The following DDX3X variants were observed in gnomAD, a reference collection of about 807,000 sequenced individuals.
The protein encoded by DDX3X is ATP-dependent RNA helicase DDX3X.
A neutral mutation model predicts 52.7 loss-of-function variants in DDX3X; 4 were observed. The observed-to-expected ratio is 0.08, with a 90% CI of 0.04 to 0.17. DDX3X has a LOEUF of 0.17. Ranked by LOEUF, DDX3X falls within the 10% of genes least tolerant of loss-of-function variation. The pLI is 1.00. For missense variants in DDX3X, 222 were observed against 548.6 expected, an observed-to-expected ratio of 0.40 and a Z score of 5.95; for synonymous variants, 192 against 178.1, an observed-to-expected ratio of 1.08 and a Z score of -0.62.
At chrX:41,334,624 G>A in intron 1 of DDX3X, 3 of 1,082,109 alleles carry the variant, frequency 2.8e-6, no homozygotes, top group African/African-American at 1.8e-5. Flanking sequence ...AGTGACCTGG[G>A]GGGGTTTGCG....
At chrX:41,351,964 G>A (rs191706018), downstream of DDX3X, among the ~76,000 whole-genome samples, 79 of 111,642 alleles carry the variant, frequency 7.1e-4, no homozygotes, top group Non-Finnish European at 1.3e-3. Context: ...GCAGGAAATA[G>A]GTGTCTCAAA....
At chrX:41,340,917 A>G in intron 3 of DDX3X, 1 of 290,841 alleles carries the variant, frequency 3.4e-6, no homozygotes, top group Non-Finnish European at 6.0e-6. Flanking sequence ...AAAGCTGTTG[A>G]CCACTTAGAG....
At chrX:41,343,057 G>A (rs1156722159) in intron 6 of DDX3X, 159 bp from the exon 7 acceptor site, 4 of 656,531 alleles carry the variant, frequency 6.1e-6, no homozygotes, top group Non-Finnish European at 9.1e-6. Context: ...CCAATGTGCA[G>A]TAAGCCTGGG....
At chrX:41,343,055 C>A in intron 6 of DDX3X, 161 bp from the exon 7 acceptor site, 1 of 636,060 alleles carries the variant, frequency 1.6e-6, no homozygotes. Context: ...CTCCAATGTG[C>A]AGTAAGCCTG....
downstream of DDX3X, among the ~76,000 whole-genome samples, chrX:41,352,736 C>T (rs770997102): frequency 6.3e-5 from 7 of 111,692 alleles, no homozygotes; most frequent in Admixed American, 9.6e-5. Flanking sequence ...GGATCCTCCA[C>T]CTCTGAGGTT....
chrX:41,340,923 TAGAG>T (rs2063840634), intron 3 of DDX3X: 1 of 288,283 alleles, frequency 3.5e-6, no homozygotes, highest in Non-Finnish European at 6.1e-6. Flanking sequence ...GTTGACCACT[TAGAG>T]GTAGTATTCA....
intron 7 of DDX3X, 56 bp from the exon 8 acceptor site, chrX:41,343,681 C>T: frequency 9.7e-7 from 1 of 1,031,887 alleles, no homozygotes; most frequent in Non-Finnish European, 1.4e-6. Flanking sequence ...ACACTGTCAT[C>T]TACCAATGTC....
chrX:41,341,469 C>A lies in DDX3X; in HGVS notation c.152-15C>A, dbSNP rs1408775407. 1.7e-6 allele frequency: 2 copies of A among 1,177,505 alleles called. No individual in the cohort carries two copies. The highest frequency in any genetic ancestry group is 1.1e-6 in the Non-Finnish European group (1 of 870,986). On this transcript the variant is annotated splice_polypyrimidine_tract_variant and intron_variant, in intron 3 of 16. Transcript: ENST00000644876. Reference sequence around the variant, plus strand: ...TAATTAATAATAAAATGTATTTGTGCTTTTTTAATCAAAGGTTTCTACGAT... The same window carrying A: ...TAATTAATAATAAAATGTATTTGTGATTTTTTAATCAAAGGTTTCTACGAT...
chrX:41,335,054 TGGGGAGGAGTG>T (rs1482413734), intron 1 of DDX3X: 9 of 4,727 alleles, frequency 1.9e-3, no homozygotes, highest in Admixed American at 0.013. Context: ...CGCAGAAGAT[TGGGGAGGAGTG>T]GGGGAGGGGT....
chrX:41,345,063 T>C, intron 10 of DDX3X, 117 bp from the exon 11 acceptor site: 1 of 724,511 alleles, frequency 1.4e-6, no homozygotes, highest in Non-Finnish European at 2.0e-6. Flanking sequence ...TTAATGAATA[T>C]ATAATTGTAA....
At position 41,362,455 on chromosome X, in the gene DDX3X, C is replaced by G. The variant is rs6610553; in HGVS notation, c.655-1819C>G. 9.4e-3 allele frequency among the ~76,000 whole-genome samples: 1,049 copies of G among 111,286 alleles called. 14 individuals are homozygous for G. The highest frequency in any genetic ancestry group is 0.032 in the African/African-American group (980 of 30,660). On this transcript the variant is annotated intron_variant, in intron 5 of 5. Coordinates refer to the DDX3X transcript ENST00000616050. ...GCCTCCTTACCTGGTCTCCCTGTCT[C>G]CATCATGACTTACTATACAAGACTC...
At chrX:41,351,189 C>CT (rs931350729), downstream of DDX3X, 8 of 111,584 alleles carry the variant, frequency 7.2e-5, no homozygotes, top group African/African-American at 1.3e-4. Flanking sequence ...TCAGTTTCCA[C>CT]TTTATGTGAA....
At chrX:41,356,484 G>A (rs1469605091) in intron 5 of DDX3X, among the ~76,000 whole-genome samples, 1 of 88,494 alleles carries the variant, frequency 1.1e-5, no homozygotes, top group African/African-American at 4.4e-5. Context: ...TTTTGAGACG[G>A]AGTCTCACTC....
At position 41,336,193 on chromosome X, in the gene DDX3X, G is replaced by A. The variant is rs143380749; in HGVS notation, c.46-1215G>A. On this transcript the variant is annotated intron_variant, in intron 1 of 16. Transcript: ENST00000644876. ...TGCATCTTTTGCAAACAGGTTGGCA[G>A]CGGTACTGTGTGACTTGGTCTTTTG... 4.5e-3 allele frequency: 503 copies of A among 112,350 alleles called. 5 individuals are homozygous for A. The highest frequency in any genetic ancestry group is 0.015 in the African/African-American group (471 of 30,960). The allele number at this position is 112,350 out of a possible 1,213,427, so 9.3% of individuals were successfully genotyped here. A position where few individuals can be genotyped will look rare whatever the true frequency, so the allele number is the denominator to read the frequency against.
At chrX:41,338,498 C>G (rs962380706) in intron 2 of DDX3X, 3 of 111,715 alleles carry the variant, frequency 2.7e-5, no homozygotes, top group Non-Finnish European at 5.6e-5. Context: ...TACTCCTGCT[C>G]GCATACAGAG....
chrX:41,341,221 G>A lies in DDX3X; in HGVS notation c.152-263G>A, dbSNP rs770753978. On this transcript the variant is annotated intron_variant, in intron 3 of 16. Transcript: ENST00000644876. ...GCTAGTCTCGAACTCCTGACCTCAGGTGACCTGCCCGCCTTGGCCTCCCAA... is the reference window on the plus strand; with the variant it reads ...GCTAGTCTCGAACTCCTGACCTCAGATGACCTGCCCGCCTTGGCCTCCCAA... 409 of 252,777 alleles carry A rather than the reference G, an allele frequency of 1.6e-3. 2 individuals carry two copies. The highest frequency in any genetic ancestry group is 0.011 in the African/African-American group (377 of 35,473). 20.8% of individuals were successfully genotyped at this position (252,777 alleles called of 1,213,427 possible).
At position 41,346,284 on chromosome X, in the gene DDX3X, G is replaced by A. The variant is rs1477039823; in HGVS notation, c.1371G>A (p.Leu457=). ...AGACCAAAAAGGGTGCAGATTCTCT[G>A]GAGGATTTCTTATACCATGAAGGAT... is the stretch of plus-strand genomic sequence containing the variant. The part of the protein sequence containing the change: ...FVETKKGADS[L]EDFLYHEGYA... The change falls in exon 13 of 17, where the codon CTG becomes CTA. Residue 457 remains leucine (L), a synonymous_variant. Transcript: ENST00000644876. The A allele has an allele frequency of 8.3e-7, 1 of 1,210,807 alleles. No individual in the cohort carries two copies. The highest frequency in any genetic ancestry group is 2.3e-4 in the Middle Eastern group (1 of 4,331).
Position 41,347,743 on chromosome X carries a change from T to A in DDX3X, c.*24T>A. Reference sequence around the variant, plus strand: ...GAGCCTGCTTTGCAGTAGGTCACCCTGCCAAACAAGCTAATATGGAAACCA... The same window carrying A: ...GAGCCTGCTTTGCAGTAGGTCACCCAGCCAAACAAGCTAATATGGAAACCA... On this transcript the variant is annotated 3_prime_UTR_variant, in exon 17 of 17. Coordinates refer to ENST00000644876, the MANE Select transcript of DDX3X (RefSeq NM_001356.5). 1 of 1,060,614 alleles carries A rather than the reference T, an allele frequency of 9.4e-7. No individual in the cohort carries two copies. The highest frequency in any genetic ancestry group is 1.3e-6 in the Non-Finnish European group (1 of 772,060). 87.4% of individuals were successfully genotyped at this position (1,060,614 alleles called of 1,213,427 possible).
At chrX:41,363,564 A>G (rs1482588191) in intron 5 of DDX3X, among the ~76,000 whole-genome samples, 1 of 110,819 alleles carries the variant, frequency 9.0e-6, no homozygotes, top group East Asian at 2.8e-4. Flanking sequence ...AGGGCAGATC[A>G]CCTGAGGTCG....
Sources: gnomAD v4.1 joint callset for allele counts (sites outside exome capture counted in the v4.1 genomes callset) on GRCh38, gnomAD v4.1.1 for gene constraint, MANE v1.5 for transcripts, NCBI Gene and HGNC (gene_info 2026-07-23, HGNC 2026-07-21) for gene names.